PHYH: variants seen among roughly 807,000 people sequenced by gnomAD.
PHYH encodes the protein phytanoyl-CoA 2-hydroxylase.
Under a neutral mutation model 38.5 loss-of-function variants are expected in PHYH, and 32 were observed. That is an observed-to-expected ratio of 0.83 (90% confidence interval 0.63 to 1.12). The LOEUF is 1.12. PHYH is among the 50% of genes most tolerant of loss of function. PHYH has a pLI of 0.00. For synonymous variants in PHYH, 166 were observed against 157.9 expected, an observed-to-expected ratio of 1.05 and a Z score of -0.38; for missense variants, 426 against 434.8, an observed-to-expected ratio of 0.98 and a Z score of 0.18.
chr10:13,300,054 G>A lies in PHYH; in HGVS notation c.-12C>T. ...CGAAGCTGCTCCATGGCTGCGGCGC[G>A]GGGAACCCCCACCCCTCCCGGCCTC... On this transcript the variant is annotated 5_prime_UTR_variant, in exon 1 of 9. Coordinates refer to ENST00000263038, the MANE Select transcript of PHYH (RefSeq NM_006214.4). The A allele has an allele frequency of 6.5e-7, 1 of 1,530,092 alleles. No individual in the cohort carries two copies. Among genetic ancestry groups the A allele is most frequent in the South Asian group, 1.2e-5 (1 of 82,974 alleles). 94.8% of individuals were successfully genotyped at this position (1,530,092 alleles called of 1,614,324 possible).
intron 1 of PHYH, chr10:13,299,754 A>T: frequency 7.6e-7 from 1 of 1,310,440 alleles, no homozygotes; most frequent in Non-Finnish European, 9.7e-7. Context: ...CCCCGACCCC[A>T]GGGCGGCCGC....
chr10:13,291,878 T>G lies in PHYH; in HGVS notation c.449A>C (p.Asn150Thr), dbSNP rs1337094816. ...LKYVECFTGPNIMAMHTMLIN... is the reference protein window; with the variant it reads ...LKYVECFTGPTIMAMHTMLIN... ...CAACATTGTGTGCATGGCCATAATA[T>G]TAGGTCCAGTGAAGCACTCCACATA... The change falls in exon 5 of 9, where the codon AAT becomes ACT. Residue 150 changes from asparagine (N) to threonine (T), a missense_variant. Coordinates refer to ENST00000263038, the MANE Select transcript of PHYH (RefSeq NM_006214.4). 1.2e-6 allele frequency: 2 copies of G among 1,611,032 alleles called. No homozygotes were observed. The highest frequency in any genetic ancestry group is 1.7e-6 in the Non-Finnish European group (2 of 1,178,290).
At chr10:13,297,443 CTAAT>C (rs1832592804) in intron 2 of PHYH, among the ~76,000 whole-genome samples, 1 of 151,682 alleles carries the variant, frequency 6.6e-6, no homozygotes, top group South Asian at 2.1e-4. Flanking sequence ...CAAATACAAG[CTAAT>C]TTGTTTTGTT....
chr10:13,295,596 C>T lies in PHYH; in HGVS notation c.145G>A (p.Asp49Asn). 8.7e-7 allele frequency: 1 copy of T among 1,154,192 alleles called. No homozygotes were observed. The highest frequency in any genetic ancestry group is 1.3e-6 in the Non-Finnish European group (1 of 759,702). 71.5% of individuals were successfully genotyped at this position (1,154,192 alleles called of 1,614,324 possible). The change falls in exon 3 of 9, where the codon GAT becomes AAT. Residue 49 changes from aspartate to asparagine, a missense_variant. Coordinates refer to ENST00000263038, the MANE Select transcript of PHYH (RefSeq NM_006214.4). ...FHPQQFQYTL[D>N]NNVLTLEQRK... is the part of the protein sequence containing the mutation. ...TGTTCCAGGGTTAGAACGTTATTAT[C>T]CAGAGTATACCTAAAGGAGAAAAAG...
chr10:13,296,259 C>T (rs117572275), intron 2 of PHYH, among the ~76,000 whole-genome samples: 4,628 of 79,040 alleles, frequency 0.059, 91 homozygotes, highest in East Asian at 0.14. Flanking sequence ...AATCTGAAAA[C>T]TTACGCTTTA....
chr10:13,292,720 G>A (rs977735932), intron 4 of PHYH, among the ~76,000 whole-genome samples: 1 of 152,072 alleles, frequency 6.6e-6, no homozygotes, highest in Non-Finnish European at 1.5e-5. Flanking sequence ...ATCACTTGAG[G>A]TCAGGAGTTC....
At chr10:13,299,195 G>C (rs1339183477) in intron 1 of PHYH, among the ~76,000 whole-genome samples, 1 of 151,240 alleles carries the variant, frequency 6.6e-6, no homozygotes. Flanking sequence ...CTTTCTATCC[G>C]GTAACTGCAG....
At chr10:13,289,021 T>C (rs990307023) in intron 5 of PHYH, among the ~76,000 whole-genome samples, 7 of 120,106 alleles carry the variant, frequency 5.8e-5, no homozygotes, top group Non-Finnish European at 1.0e-4. Context: ...ACAAATGAAA[T>C]AATGCTAGAG....
intron 2 of PHYH, 32 bp from the exon 3 acceptor site, chr10:13,295,638 A>G (rs758634107): frequency 3.2e-6 from 3 of 927,166 alleles, no homozygotes; most frequent in African/African-American, 3.2e-5. Context: ...AAAATAAGTT[A>G]CATTTTTAAA....
At chr10:13,292,453 G>A (rs1041672364) in intron 4 of PHYH, among the ~76,000 whole-genome samples, 20 of 152,178 alleles carry the variant, frequency 1.3e-4, no homozygotes, top group Non-Finnish European at 2.5e-4. Context: ...GGTCCCAGGA[G>A]TTAGATGAAA....
At position 13,281,117 on chromosome 10, in the gene PHYH, A is replaced by C; in HGVS notation, c.829-7T>G. 6.2e-7 allele frequency: 1 copy of C among 1,614,180 alleles called. No individual in the cohort carries two copies. The highest frequency in any genetic ancestry group is 8.5e-7 in the Non-Finnish European group (1 of 1,179,996). ...CGAAATGGCAGGAAATTGCCTGTGC[A>C]AAGTGAACAAATTGATATTGGAGAA... On this transcript the variant is annotated splice_polypyrimidine_tract_variant and splice_region_variant and intron_variant, in intron 7 of 8. Coordinates refer to ENST00000263038, the MANE Select transcript of PHYH (RefSeq NM_006214.4).
At chr10:13,299,129 CAA>C (rs34019384) in intron 1 of PHYH, among the ~76,000 whole-genome samples, 3 of 126,040 alleles carry the variant, frequency 2.4e-5, no homozygotes, top group Non-Finnish European at 4.9e-5. Context: ...GGCCCTGTTT[CAA>C]AAAAAAAAAA....
At position 13,294,405 on chromosome 10, in the gene PHYH, G is replaced by A. The variant is rs372122627; in HGVS notation, c.414+23C>T. 151 of 1,612,202 alleles carry A rather than the reference G, an allele frequency of 9.4e-5. No individual in the cohort carries two copies. In the Middle Eastern group the frequency reaches 1.4e-3, roughly 15 times the overall value. On this transcript the variant is annotated intron_variant, in intron 4 of 8. Transcript: ENST00000263038. Reference sequence around the variant, plus strand: ...CATACACACTGGCAATTAAGCCGACGCAAAGCAAGGGTGGTCTCTGACCTC... The same window carrying A: ...CATACACACTGGCAATTAAGCCGACACAAAGCAAGGGTGGTCTCTGACCTC...
At chr10:13,296,920 C>T (rs941940064) in intron 2 of PHYH, among the ~76,000 whole-genome samples, 2 of 151,838 alleles carry the variant, frequency 1.3e-5, no homozygotes, top group African/African-American at 2.4e-5. Context: ...CACCACTGCA[C>T]TCCAGCCTGG....
At chr10:13,297,609 A>G (rs79723157) in intron 2 of PHYH, among the ~76,000 whole-genome samples, 2,051 of 152,076 alleles carry the variant, frequency 0.013, 48 homozygotes, top group East Asian at 0.092. Flanking sequence ...GCACACCACC[A>G]TGCCCAGCTA....
At chr10:13,296,388 C>G (rs1380817122) in intron 2 of PHYH, among the ~76,000 whole-genome samples, 1 of 150,974 alleles carries the variant, frequency 6.6e-6, no homozygotes, top group Non-Finnish European at 1.5e-5. Flanking sequence ...ACCAGCCTGA[C>G]TCACATGATG....
At chr10:13,298,694 C>T (rs1048396946) in intron 1 of PHYH, among the ~76,000 whole-genome samples, 22 of 141,176 alleles carry the variant, frequency 1.6e-4, no homozygotes, top group Middle Eastern at 3.7e-3. Flanking sequence ...GAGAGAGACT[C>T]CATCTCAGAA....
intron 4 of PHYH, among the ~76,000 whole-genome samples, chr10:13,292,992 T>C (rs977243916): frequency 6.6e-6 from 1 of 151,322 alleles, no homozygotes; most frequent in South Asian, 2.1e-4. Context: ...GATATTCAAA[T>C]TTTGATTCTG....
At chr10:13,290,040 G>A (rs553955226) in intron 5 of PHYH, among the ~76,000 whole-genome samples, 53 of 147,786 alleles carry the variant, frequency 3.6e-4, no homozygotes, top group African/African-American at 1.2e-3. Flanking sequence ...AGGCTGAGCC[G>A]GGTAGATTGC....
Sources: gnomAD v4.1 joint callset for allele counts (sites outside exome capture counted in the v4.1 genomes callset) on GRCh38, gnomAD v4.1.1 for gene constraint, MANE v1.5 for transcripts, NCBI Gene and HGNC (gene_info 2026-07-23, HGNC 2026-07-21) for gene names.